Variants in POLR3G observed in about 807,000 individuals in gnomAD.
POLR3G encodes DNA-directed RNA polymerase III subunit RPC7.
Under a neutral mutation model 30.1 loss-of-function variants are expected in POLR3G, and 28 were observed. The ratio of observed to expected loss-of-function variants is 0.93; its 90% confidence interval spans 0.69 to 1.27. POLR3G has a LOEUF of 1.27. POLR3G is among the 50% of genes most tolerant of loss of function. POLR3G has a pLI of 0.00. For synonymous variants in POLR3G, 79 were observed against 82.5 expected, an observed-to-expected ratio of 0.96 and a Z score of 0.23; for missense variants, 254 against 264.6, an observed-to-expected ratio of 0.96 and a Z score of 0.28.
chr5:90,496,394 AT>A (rs1411061339), intron 4 of POLR3G, among the ~76,000 whole-genome samples: 2 of 152,260 alleles, frequency 1.3e-5, no homozygotes, highest in Non-Finnish European at 2.9e-5. Flanking sequence ...CTCCTGAGCA[AT>A]TTTAGAGCAT....
rs761315363 is a variant in POLR3G at position 90,495,709 on chromosome 5, G to C, written c.280G>C (p.Val94Leu). Residue 94 changes from valine (V) to leucine (L), a missense_variant, in exon 4 of 8, where the codon GTA becomes CTA. Transcript: ENST00000651687. ...AAGGTATAGTAAAAGATACATGAAG[G>C]TATACAAGGAAGAATGGATACCAGG... ...IERYSKRYMK[V>L]YKEEWIPDWR... The C allele has an allele frequency of 1.3e-6, 2 of 1,597,554 alleles. No homozygotes were observed. The highest frequency in any genetic ancestry group is 2.3e-5 in the South Asian group (2 of 87,216).
At chr5:90,488,333 T>G in intron 3 of POLR3G, among the ~76,000 whole-genome samples, 1 of 152,300 alleles carries the variant, frequency 6.6e-6, no homozygotes, top group Non-Finnish European at 1.5e-5. Context: ...TCTTTCATTA[T>G]AATTTTATAT....
rs1216746522 is a variant in POLR3G at position 90,506,535 on chromosome 5, A to C, written c.446A>C (p.Glu149Ala). ...GAAACTCACTTATACCAGGAATTGG[A>C]AAAAAGAGGTGATGGTGAAAAATCA... ...EDVLKKMEEL[E>A]KRGDGEKSDE... The change falls in exon 7 of 8, where the codon GAA becomes GCA. Residue 149 changes from glutamate to alanine, a missense_variant. Physicochemically the swap from Glu to Ala is moderately radical, Grantham distance 107. Transcript: ENST00000651687. 6.2e-7 allele frequency: 1 copy of C among 1,611,896 alleles called. No individual in the cohort carries two copies. Among genetic ancestry groups the C allele is most frequent in the African/African-American group, 1.3e-5 (1 of 74,640 alleles).
rs942015899 is a variant in POLR3G, at chr5:90,501,925, G to A, written c.375G>A (p.Lys125=). Reference sequence around the variant, plus strand: ...CTTCAGCAGGCCCAAAACCCAAAAAGGCAAAAGACGCAGGCAAAGGCACAC... The same window carrying A: ...CTTCAGCAGGCCCAAAACCCAAAAAAGCAAAAGACGCAGGCAAAGGCACAC... ...KCKKAGPKPK[K]AKDAGKGTPL... The change falls in exon 6 of 8, where the codon AAG becomes AAA. Residue 125 remains lysine, a synonymous_variant. Coordinates refer to ENST00000651687, the MANE Select transcript of POLR3G (RefSeq NM_006467.3). 6 of 1,613,232 alleles carry A rather than the reference G, an allele frequency of 3.7e-6. No homozygotes were observed. The African/African-American group carries it at 6.7e-5, about 18-fold the overall frequency.
chr5:90,477,321 C>A (rs774126483), intron 1 of POLR3G, among the ~76,000 whole-genome samples: 36 of 152,222 alleles, frequency 2.4e-4, no homozygotes, highest in Non-Finnish European at 5.0e-4. Flanking sequence ...CAGAAAGACT[C>A]CAAAGCTCTG....
chr5:90,474,183 C>T (rs1321526608), upstream of POLR3G: 1 of 1,607,118 alleles, frequency 6.2e-7, no homozygotes, highest in Non-Finnish European at 8.5e-7. Context: ...CTGCTCGGAG[C>T]CGCGCACCAG....
chr5:90,507,677 T>A (rs114624470), intron 7 of POLR3G, among the ~76,000 whole-genome samples: 1,603 of 152,316 alleles, frequency 0.011, 36 homozygotes, highest in African/African-American at 0.037. Context: ...GTAGGGTATG[T>A]CTTCCTTCCT....
At chr5:90,502,138 G>A in intron 6 of POLR3G, 150 bp downstream of exon 6, 2 of 1,438,514 alleles carry the variant, frequency 1.4e-6, no homozygotes, top group East Asian at 5.1e-5. Flanking sequence ...AACTGGGAAG[G>A]TTTGAACTTT....
chr5:90,488,168 T>A (rs1751544342), intron 3 of POLR3G, 39 bp downstream of exon 3: 2 of 1,493,434 alleles, frequency 1.3e-6, no homozygotes, highest in South Asian at 1.5e-5. Flanking sequence ...GCTTAATGTA[T>A]ACAGATGAAA....
intron 3 of POLR3G, among the ~76,000 whole-genome samples, chr5:90,488,453 T>A (rs900448920): frequency 2.6e-5 from 4 of 152,134 alleles, no homozygotes; most frequent in African/African-American, 9.7e-5. Context: ...GATTTTTTCT[T>A]ATGCATGTAT....
At chr5:90,494,027 G>T (rs948158005) in intron 3 of POLR3G, among the ~76,000 whole-genome samples, 2 of 151,892 alleles carry the variant, frequency 1.3e-5, no homozygotes, top group Admixed American at 6.6e-5. Context: ...TAATTTTTTA[G>T]ATGCTTTTCA....
chr5:90,506,956 T>C (rs985229375), intron 7 of POLR3G, among the ~76,000 whole-genome samples: 1 of 152,196 alleles, frequency 6.6e-6, no homozygotes, highest in Non-Finnish European at 1.5e-5. Context: ...ATTGATCAGA[T>C]TAGTGCAGTT....
chr5:90,493,676 A>ATTTTTTTT lies in POLR3G; in HGVS notation c.248-1960_248-1953dup, dbSNP rs70999488. Among the ~76,000 whole-genome samples, 11 of 51,466 alleles carry ATTTTTTTT rather than the reference A, an allele frequency of 2.1e-4. 2 individuals are homozygous for ATTTTTTTT. The highest frequency in any genetic ancestry group is 1.9e-3 in the East Asian group (3 of 1,598). The allele number at this position is 51,466 out of a possible 152,430, so 33.8% of individuals were successfully genotyped here. A position where few individuals can be genotyped will look rare whatever the true frequency, so the allele number is the denominator to read the frequency against. ...GTTGTGCAATCAACACCACTATTTA[A>ATTTTTTTT]TTTTTTTTTTTTTTTTTTTTTTTTT... On this transcript the variant is annotated intron_variant, in intron 3 of 7. Coordinates refer to ENST00000651687, the MANE Select transcript of POLR3G (RefSeq NM_006467.3).
In POLR3G at chr5:90,512,086, G is replaced by T. The variant is rs1338201255; in HGVS notation, c.619G>T (p.Gly207Ter). The change falls in exon 8 of 8, where the codon GGA (glycine) becomes TGA (stop). Residue 207 changes from glycine (G) to a stop codon, truncating the protein, a stop_gained. Coordinates refer to ENST00000651687, the MANE Select transcript of POLR3G (RefSeq NM_006467.3). LOFTEE classifies it high-confidence loss of function. ...NDYINSYFED[G>*]DDFGADSDDN... ...CTACATTAATTCATACTTTGAAGAT[G>T]GAGATGATTTTGGCGCAGACAGTGA... The T allele has an allele frequency of 1.9e-6, 3 of 1,608,608 alleles. No individual in the cohort carries two copies. Among genetic ancestry groups the T allele is most frequent in the African/African-American group, 1.3e-5 (1 of 74,784 alleles).
chr5:90,479,116 C>T (rs905247994), intron 1 of POLR3G, among the ~76,000 whole-genome samples: 5 of 152,120 alleles, frequency 3.3e-5, no homozygotes, highest in Non-Finnish European at 5.9e-5. Context: ...AATTGTGGAG[C>T]TGTTGCTATA....
intron 3 of POLR3G, 116 bp from the exon 4 acceptor site, chr5:90,495,561 C>T (rs982664767): frequency 1.8e-5 from 26 of 1,455,808 alleles, no homozygotes; most frequent in South Asian, 2.8e-5. Flanking sequence ...GTGGGAAACT[C>T]CCTGTATGTA....
intron 3 of POLR3G, chr5:90,490,794 G>T: frequency 4.3e-6 from 1 of 235,226 alleles, no homozygotes; most frequent in Non-Finnish European, 8.7e-6. Context: ...ATTTATATGT[G>T]CCTATATAGG....
intron 7 of POLR3G, among the ~76,000 whole-genome samples, chr5:90,509,443 TCTCTC>T (rs1752635409): frequency 6.6e-6 from 1 of 152,170 alleles, no homozygotes; most frequent in Non-Finnish European, 1.5e-5. Flanking sequence ...ATACAGTTCT[TCTCTC>T]AGGGAAATTA....
chr5:90,497,826 C>G (rs1160356157), intron 5 of POLR3G, 120 bp downstream of exon 5: 1 of 1,207,186 alleles, frequency 8.3e-7, no homozygotes, highest in Non-Finnish European at 1.1e-6. Context: ...TTATTTTGAG[C>G]CAGACAAGGG....
Sources: allele counts gnomAD v4.1 joint callset (sites outside exome capture counted in the v4.1 genomes callset), GRCh38; gene constraint gnomAD v4.1.1; transcripts MANE v1.5; gene names NCBI Gene and HGNC (gene_info 2026-07-23, HGNC 2026-07-21).